CAMK1D: variants seen among roughly 807,000 people sequenced by gnomAD.
The protein encoded by CAMK1D is calcium/calmodulin-dependent protein kinase type 1D.
In CAMK1D, 9 loss-of-function variants were observed where a neutral mutation model predicts 47.7. That is an observed-to-expected ratio of 0.19 (90% CI 0.11 to 0.33). CAMK1D has a LOEUF of 0.33. Among genes scored for constraint, CAMK1D ranks in the 10% least tolerant of loss-of-function variants. The probability of loss-of-function intolerance (pLI) is 1.00; values close to 1 mark genes in which losing one functional copy is unlikely to be tolerated. For synonymous variants in CAMK1D, 184 were observed against 184.9 expected, an observed-to-expected ratio of 0.99 and a Z score of 0.04; for missense variants, 291 against 488.7, an observed-to-expected ratio of 0.60 and a Z score of 3.81.
chr10:12,409,227 A>G (rs1839566676), intron 1 of CAMK1D, among the ~76,000 whole-genome samples: 1 of 152,018 alleles, frequency 6.6e-6, no homozygotes, highest in Admixed American at 6.5e-5. Flanking sequence ...TCGTGTATTC[A>G]GCACCACGTT....
At chr10:12,807,686 A>G (rs1053162012) in intron 6 of CAMK1D, among the ~76,000 whole-genome samples, 1 of 152,292 alleles carries the variant, frequency 6.6e-6, no homozygotes. Context: ...CACAGTGGGC[A>G]TCATCTGTAG....
chr10:12,464,867 A>G (rs1833546036), intron 1 of CAMK1D, among the ~76,000 whole-genome samples: 4 of 151,952 alleles, frequency 2.6e-5, no homozygotes, highest in Admixed American at 2.0e-4. Context: ...ATTTTGTTGT[A>G]TTTCATATTC....
chr10:12,784,625 T>G (rs1276404789), intron 5 of CAMK1D, among the ~76,000 whole-genome samples: 3 of 152,358 alleles, frequency 2.0e-5, no homozygotes, highest in Admixed American at 2.0e-4. Flanking sequence ...GAAAGGTATT[T>G]AGCAAACTGC....
chr10:12,797,493 C>T (rs1203738856), intron 6 of CAMK1D, among the ~76,000 whole-genome samples: 1 of 152,050 alleles, frequency 6.6e-6, no homozygotes, highest in Non-Finnish European at 1.5e-5. Flanking sequence ...AGGTATGAGC[C>T]ACAGTGCCCA....
chr10:12,376,962 T>C (rs1404866405), intron 1 of CAMK1D, among the ~76,000 whole-genome samples: 1 of 152,090 alleles, frequency 6.6e-6, no homozygotes, highest in Non-Finnish European at 1.5e-5. Flanking sequence ...GGTTTCACCA[T>C]GTTGACCAGG....
At chr10:12,574,677 A>G (rs1837437124) in intron 2 of CAMK1D, among the ~76,000 whole-genome samples, 1 of 151,736 alleles carries the variant, frequency 6.6e-6, no homozygotes, top group Non-Finnish European at 1.5e-5. Flanking sequence ...CTGTTCTCAC[A>G]CTGCTATAAA....
intron 6 of CAMK1D, among the ~76,000 whole-genome samples, chr10:12,801,617 CATCCATCT>C (rs961862693): frequency 1.3e-5 from 2 of 152,080 alleles, no homozygotes; most frequent in Non-Finnish European, 2.9e-5. Flanking sequence ...TCCATCCTTC[CATCCATCT>C]ATCTATCTAC....
At chr10:12,469,156 A>G (rs1055795845) in intron 1 of CAMK1D, among the ~76,000 whole-genome samples, 4 of 152,030 alleles carry the variant, frequency 2.6e-5, no homozygotes, top group African/African-American at 9.7e-5. Flanking sequence ...AGCCTGTTGT[A>G]TTCTGGGACC....
intron 3 of CAMK1D, among the ~76,000 whole-genome samples, chr10:12,681,555 C>T (rs951615573): frequency 3.3e-5 from 5 of 152,386 alleles, no homozygotes; most frequent in Middle Eastern, 3.4e-3. Context: ...CAGCCCATTC[C>T]TCAGCAGCAT....
intron 1 of CAMK1D, among the ~76,000 whole-genome samples, chr10:12,377,534 A>G (rs1838219841): frequency 6.6e-6 from 1 of 152,306 alleles, no homozygotes; most frequent in East Asian, 1.9e-4. Flanking sequence ...CTCGCACTAA[A>G]ATAATGATTT....
Position 12,415,745 on chromosome 10 carries a change from C to T in CAMK1D, c.92+65835C>T, listed in dbSNP as rs563510383. On this transcript the variant is annotated intron_variant, in intron 1 of 10. Transcript: ENST00000619168. The stretch of plus-strand genomic sequence containing the variant: ...TCCCTACGGAAGTGGATTAAAATTA[C>T]GTTTTTTTTTTTTTGTCTTCTTTTA... Among the ~76,000 whole-genome samples, 361 of 138,338 alleles carry T rather than the reference C, an allele frequency of 2.6e-3. 1 individual carries two copies. Among genetic ancestry groups the T allele is most frequent in the Non-Finnish European group, 4.2e-3 (266 of 63,360 alleles). The allele number at this position is 138,338 out of a possible 152,430, so 90.8% of individuals were successfully genotyped here.
chr10:12,599,303 T>C (rs1838235508), intron 2 of CAMK1D, among the ~76,000 whole-genome samples: 1 of 152,198 alleles, frequency 6.6e-6, no homozygotes, highest in African/African-American at 2.4e-5. Flanking sequence ...GGAGAAATTC[T>C]GTCCATTCAG....
intron 3 of CAMK1D, among the ~76,000 whole-genome samples, chr10:12,677,600 G>A (rs1027840834): frequency 2.0e-5 from 3 of 152,154 alleles, no homozygotes; most frequent in Non-Finnish European, 4.4e-5. Flanking sequence ...GCCAGATGGA[G>A]GTGCTGCCAC....
chr10:12,614,326 T>C (rs1321022176), intron 2 of CAMK1D, among the ~76,000 whole-genome samples: 1 of 152,256 alleles, frequency 6.6e-6, no homozygotes, highest in African/African-American at 2.4e-5. Flanking sequence ...GTTGTTGTTG[T>C]GTGCACATGT....
At chr10:12,703,264 G>A (rs1833593869) in intron 3 of CAMK1D, among the ~76,000 whole-genome samples, 1 of 152,190 alleles carries the variant, frequency 6.6e-6, no homozygotes, top group African/African-American at 2.4e-5. Flanking sequence ...TAACACAACT[G>A]TGGTGCCATT....
At chr10:12,464,462 C>T (rs1219448724) in intron 1 of CAMK1D, among the ~76,000 whole-genome samples, 2 of 152,170 alleles carry the variant, frequency 1.3e-5, no homozygotes, top group East Asian at 1.9e-4. Context: ...TACCCTCCCC[C>T]ACCACGTGTA....
chr10:12,531,056 T>TAA (rs11373354), intron 1 of CAMK1D, among the ~76,000 whole-genome samples: 13,143 of 140,928 alleles, frequency 0.093, 713 homozygotes, highest in East Asian at 0.18. Context: ...AGACTCTGCT[T>TAA]AAAAAAAAAA....
At chr10:12,698,614 C>T (rs1251018383) in intron 3 of CAMK1D, among the ~76,000 whole-genome samples, 1 of 151,600 alleles carries the variant, frequency 6.6e-6, no homozygotes, top group Non-Finnish European at 1.5e-5. Context: ...GGGAACTTAA[C>T]CATGTCAGTG....
intron 1 of CAMK1D, among the ~76,000 whole-genome samples, chr10:12,509,746 GT>G (rs1834986088): frequency 6.6e-6 from 1 of 152,174 alleles, no homozygotes; most frequent in Non-Finnish European, 1.5e-5. Context: ...AGGAGACTCT[GT>G]TTCAAAAAGA....
Sources: allele counts gnomAD v4.1 joint callset (sites outside exome capture counted in the v4.1 genomes callset), GRCh38; gene constraint gnomAD v4.1.1; transcripts MANE v1.5; gene names NCBI Gene and HGNC (gene_info 2026-07-23, HGNC 2026-07-21).